TMC1: variants seen among roughly 807,000 people sequenced by gnomAD.
TMC1 encodes transmembrane channel-like protein 1.
TMC1 carries 84 observed loss-of-function variants against 105.8 expected under a neutral mutation model. The ratio of observed to expected loss-of-function variants is 0.79; its 90% CI spans 0.67 to 0.95. The LOEUF (loss-of-function observed/expected upper bound fraction) is 0.95. Ranked by LOEUF, TMC1 falls within the 40% of genes least tolerant of loss-of-function variation. TMC1 has a pLI of 0.00. For missense variants in TMC1, 817 were observed against 914.1 expected (o/e 0.89, Z 1.37); for synonymous variants, 315 against 311.5 (o/e 1.01, Z -0.12).
intron 5 of TMC1, among the ~76,000 whole-genome samples, chr9:72,650,873 T>TATATATAA (rs1825794258): frequency 1.6e-5 from 2 of 128,480 alleles, no homozygotes; most frequent in East Asian, 2.0e-4. Flanking sequence ...TGGTGTATTT[T>TATATATAA]ATATATATAG....
At chr9:72,649,037 A>G (rs1825759585) in intron 5 of TMC1, among the ~76,000 whole-genome samples, 1 of 152,200 alleles carries the variant, frequency 6.6e-6, no homozygotes. Context: ...ACAGTTTTTG[A>G]AAGGGGATGT....
intron 5 of TMC1, among the ~76,000 whole-genome samples, chr9:72,658,484 C>T (rs1303514550): frequency 6.6e-6 from 1 of 152,156 alleles, no homozygotes; most frequent in Non-Finnish European, 1.5e-5. Context: ...GCTTCTATTC[C>T]TTAACTCTTT....
In TMC1 at chr9:72,754,781, T is replaced by C; in HGVS notation, c.643-5T>C. ...GTTCACTGCTTTCTTTGCTTCTTCA[T>C]ACAGTACCTCTGGGGTTTGCCATAT... On this transcript the variant is annotated splice_region_variant and splice_polypyrimidine_tract_variant and intron_variant, in intron 11 of 23. Transcript: ENST00000297784. The C allele has an allele frequency of 6.2e-7, 1 of 1,610,440 alleles. No homozygotes were observed. The highest frequency in any genetic ancestry group is 8.5e-7 in the Non-Finnish European group (1 of 1,176,680).
At chr9:72,552,044 T>C (rs1048402914) in intron 1 of TMC1, among the ~76,000 whole-genome samples, 1 of 152,098 alleles carries the variant, frequency 6.6e-6, no homozygotes, top group African/African-American at 2.4e-5. Context: ...ATTTGTGTTG[T>C]TTTAAGACAC....
intron 20 of TMC1, among the ~76,000 whole-genome samples, chr9:72,824,262 C>T (rs1828918622): frequency 6.6e-6 from 1 of 152,224 alleles, no homozygotes; most frequent in East Asian, 1.9e-4. Context: ...TGAGTTCCAC[C>T]ATCCTCAGCC....
intron 1 of TMC1, among the ~76,000 whole-genome samples, chr9:72,524,514 G>A (rs1207465940): frequency 1.3e-5 from 2 of 152,074 alleles, no homozygotes; most frequent in Non-Finnish European, 2.9e-5. Context: ...TCAAGGATGC[G>A]ATCTCATTTG....
chr9:72,762,249 A>G (rs1397756427), intron 12 of TMC1, among the ~76,000 whole-genome samples: 1 of 152,186 alleles, frequency 6.6e-6, no homozygotes, highest in Admixed American at 6.5e-5. Context: ...AGTATTTCCC[A>G]TCATGCTCAG....
At chr9:72,717,732 C>T (rs919369960) in intron 8 of TMC1, among the ~76,000 whole-genome samples, 5 of 152,110 alleles carry the variant, frequency 3.3e-5, no homozygotes, top group Non-Finnish European at 5.9e-5. Context: ...AAGATTTTTC[C>T]CTCTGTCTTG....
chr9:72,642,393 A>G (rs1161191975), intron 4 of TMC1, among the ~76,000 whole-genome samples: 1 of 152,208 alleles, frequency 6.6e-6, no homozygotes, highest in Non-Finnish European at 1.5e-5. Flanking sequence ...AGATTATGCT[A>G]GTAAAGGTGT....
At chr9:72,690,767 T>C (rs148106032) in intron 6 of TMC1, among the ~76,000 whole-genome samples, 40 of 152,288 alleles carry the variant, frequency 2.6e-4, no homozygotes, top group South Asian at 6.2e-4. Context: ...CTTTGACTTC[T>C]GGCAATTTAA....
At position 72,715,304 on chromosome 9, in the gene TMC1, G is replaced by C. The variant is rs60725935; in HGVS notation, c.362+14661G>C. ...CTGTATTTCCTGAATTTGAATGTTG[G>C]CTTGCCTTGCTAGCTTGGGGAAGTT... is the stretch of plus-strand genomic sequence containing the variant. On this transcript the variant is annotated intron_variant, in intron 8 of 23. Transcript: ENST00000297784. 3.5e-3 allele frequency among the ~76,000 whole-genome samples: 535 copies of C among 152,150 alleles called. 3 individuals carry two copies. The highest frequency in any genetic ancestry group is 0.012 in the African/African-American group (511 of 41,510).
intron 1 of TMC1, among the ~76,000 whole-genome samples, chr9:72,568,035 G>A (rs925153010): frequency 1.3e-5 from 2 of 151,632 alleles, no homozygotes; most frequent in African/African-American, 4.9e-5. Context: ...AACTGGAAGT[G>A]TGGAAAAGGA....
Position 72,708,507 on chromosome 9 carries a change from CT to C in TMC1, c.362+7876del, listed in dbSNP as rs71495335. Among the ~76,000 whole-genome samples, 1,091 of 146,266 alleles carry C rather than the reference CT, an allele frequency of 7.5e-3. 8 individuals are homozygous for C. The highest frequency in any genetic ancestry group is 0.024 in the African/African-American group (977 of 40,216). ...CCTTGGTTAGGTATAATCCCAAGTA[CT>C]TTTTTTTTTTTCCTGTGGCTATTGT... is the stretch of plus-strand genomic sequence containing the variant. On this transcript the variant is annotated intron_variant, in intron 8 of 23. Coordinates refer to ENST00000297784, the MANE Select transcript of TMC1 (RefSeq NM_138691.3).
intron 13 of TMC1, among the ~76,000 whole-genome samples, chr9:72,780,143 T>A (rs562406101): frequency 2.0e-5 from 3 of 152,280 alleles, no homozygotes; most frequent in Middle Eastern, 3.4e-3. Context: ...AACTAAGAAT[T>A]TCATATCGAG....
chr9:72,627,029 G>A (rs1825359319), intron 3 of TMC1, among the ~76,000 whole-genome samples: 1 of 143,344 alleles, frequency 7.0e-6, no homozygotes, highest in African/African-American at 2.6e-5. Context: ...CTATGTTGTT[G>A]GTTTTTTTTT....
At chr9:72,565,338 G>T (rs1432245209) in intron 1 of TMC1, among the ~76,000 whole-genome samples, 2 of 151,956 alleles carry the variant, frequency 1.3e-5, no homozygotes, top group South Asian at 2.1e-4. Context: ...TAGGAGATTG[G>T]GTACCTTGGA....
intron 5 of TMC1, among the ~76,000 whole-genome samples, chr9:72,685,896 T>C (rs1355464478): frequency 3.3e-5 from 5 of 152,188 alleles, no homozygotes; most frequent in African/African-American, 1.2e-4. Flanking sequence ...CATTCAACTC[T>C]TCTGGCCACT....
chr9:72,799,397 A>G (rs1828430906), intron 17 of TMC1, among the ~76,000 whole-genome samples: 1 of 152,146 alleles, frequency 6.6e-6, no homozygotes. Flanking sequence ...ACAAATATGT[A>G]AAAATATATC....
At chr9:72,697,411 G>T (rs1402117896) in intron 7 of TMC1, among the ~76,000 whole-genome samples, 1 of 152,126 alleles carries the variant, frequency 6.6e-6, no homozygotes, top group Non-Finnish European at 1.5e-5. Flanking sequence ...ACATAAGAAA[G>T]TATATGTGTC....
Sources: gnomAD v4.1 joint callset for allele counts (sites outside exome capture counted in the v4.1 genomes callset) on GRCh38, gnomAD v4.1.1 for gene constraint, MANE v1.5 for transcripts, NCBI Gene and HGNC (gene_info 2026-07-23, HGNC 2026-07-21) for gene names.